The following SHLD2 variants were observed in gnomAD, a reference collection of about 807,000 sequenced individuals.
The protein encoded by SHLD2 is RINN1-REV7-interacting novel NHEJ regulator 2.
Under a neutral mutation model 73.2 loss-of-function variants are expected in SHLD2, and 30 were observed. That is an observed-to-expected ratio of 0.41 (90% CI 0.31 to 0.56). The LOEUF is 0.56. SHLD2 is among the 20% of genes least tolerant of loss of function. The pLI is 0.28. For missense variants in SHLD2, 745 were observed against 1,055.9 expected (o/e 0.71, Z 4.08); for synonymous variants, 285 against 370.1 (o/e 0.77, Z 2.64).
intron 2 of SHLD2, among the ~76,000 whole-genome samples, chr10:87,098,571 A>G (rs1236094821): frequency 6.6e-6 from 1 of 151,750 alleles, no homozygotes; most frequent in African/African-American, 2.4e-5. Context: ...ATTGTTGATG[A>G]TCACCAAGCT....
At chr10:87,128,947 G>C (rs1039999247) in intron 2 of SHLD2, among the ~76,000 whole-genome samples, 6 of 152,104 alleles carry the variant, frequency 3.9e-5, no homozygotes, top group African/African-American at 1.4e-4. Flanking sequence ...CTCTCGCCCA[G>C]GCTGGAGTGC....
At chr10:87,124,585 G>A (rs1589481556) in intron 2 of SHLD2, among the ~76,000 whole-genome samples, 1 of 152,250 alleles carries the variant, frequency 6.6e-6, no homozygotes, top group Middle Eastern at 3.4e-3. Context: ...ATTGTTTTGG[G>A]TGGTTTAGAG....
intron 2 of SHLD2, among the ~76,000 whole-genome samples, chr10:87,120,258 A>ATTTATTTATTTT (rs1554828299): frequency 1.3e-5 from 2 of 148,694 alleles, no homozygotes; most frequent in African/African-American, 5.1e-5. Flanking sequence ...TTATTTATTT[A>ATTTATTTATTTT]TTTTTTTGAG....
Position 87,151,808 on chromosome 10 carries a change from C to T in SHLD2, c.454C>T (p.Pro152Ser), listed in dbSNP as rs1219543954. Residue 152 changes from proline to serine, a missense_variant, in exon 3 of 10, where the codon CCT (proline) becomes TCT (serine). Pro to Ser is a moderately conservative substitution (Grantham distance 74, BLOSUM62 -1). Transcript: ENST00000298786. The part of the protein sequence containing the change: ...LSENKIRDEQ[P>S]KHQPDICGKN... ...TGAAAATAAAATTAGAGATGAACAG[C>T]CTAAACATCAGCCAGATATATGTGG... The T allele has an allele frequency of 6.2e-7, 1 of 1,611,834 alleles. No homozygotes were observed. Among genetic ancestry groups the T allele is most frequent in the Admixed American group, 1.7e-5 (1 of 60,002 alleles).
At chr10:87,132,601 C>T (rs1405269766) in intron 2 of SHLD2, among the ~76,000 whole-genome samples, 1 of 151,938 alleles carries the variant, frequency 6.6e-6, no homozygotes, top group Non-Finnish European at 1.5e-5. Context: ...ATGGTGAAAC[C>T]CCATCTCTAC....
intron 2 of SHLD2, among the ~76,000 whole-genome samples, chr10:87,100,139 G>A (rs1015190300): frequency 5.3e-5 from 8 of 152,004 alleles, no homozygotes; most frequent in Middle Eastern, 3.4e-3. Flanking sequence ...GTTTTCTTTC[G>A]ATACTTATGC....
At position 87,152,344 on chromosome 10, in the gene SHLD2, T is replaced by C; in HGVS notation, c.990T>C (p.Asp330=). 2.1e-6 allele frequency: 3 copies of C among 1,437,306 alleles called. No individual in the cohort carries two copies. The highest frequency in any genetic ancestry group is 2.9e-6 in the Non-Finnish European group (3 of 1,051,996). 89.0% of individuals were successfully genotyped at this position (1,437,306 alleles called of 1,614,324 possible). A position where few individuals can be genotyped will look rare whatever the true frequency, so the allele number is the denominator to read the frequency against. The change falls in exon 3 of 10, where the codon GAT becomes GAC. Residue 330 remains aspartate (D), a synonymous_variant. Transcript: ENST00000298786. ...ATAGCCGCATTCACATAAACTCTGATAAAGGTCTTGAAGAACATACAGGAT... is the reference window on the plus strand; with the variant it reads ...ATAGCCGCATTCACATAAACTCTGACAAAGGTCTTGAAGAACATACAGGAT... ...TENSRIHINS[D]KGLEEHTGSQ... is the part of the protein sequence containing the mutation.
chr10:87,184,304 A>T (rs985391332), intron 8 of SHLD2, among the ~76,000 whole-genome samples: 10 of 151,948 alleles, frequency 6.6e-5, no homozygotes, highest in Admixed American at 1.3e-4. Context: ...ATCTTAGTCC[A>T]GTGTATCTCA....
intron 2 of SHLD2, among the ~76,000 whole-genome samples, chr10:87,129,277 G>T (rs1844260109): frequency 6.6e-6 from 1 of 152,116 alleles, no homozygotes; most frequent in South Asian, 2.1e-4. Flanking sequence ...TTTTAGTAGG[G>T]ACGGGGTTTC....
chr10:87,183,996 C>T (rs1260376107), intron 8 of SHLD2, among the ~76,000 whole-genome samples: 2 of 152,202 alleles, frequency 1.3e-5, no homozygotes, highest in Non-Finnish European at 1.5e-5. Context: ...TGATTTTCTC[C>T]TCCAGGCTCC....
At chr10:87,129,599 A>G (rs1844281379) in intron 2 of SHLD2, among the ~76,000 whole-genome samples, 1 of 151,912 alleles carries the variant, frequency 6.6e-6, no homozygotes, top group South Asian at 2.1e-4. Flanking sequence ...AATTTTCCTA[A>G]GTTTAATTTC....
At chr10:87,133,188 A>C (rs1844554973) in intron 2 of SHLD2, among the ~76,000 whole-genome samples, 2 of 152,096 alleles carry the variant, frequency 1.3e-5, no homozygotes. Flanking sequence ...ATAATTTTTA[A>C]TTAATTTTAA....
intron 2 of SHLD2, among the ~76,000 whole-genome samples, chr10:87,113,676 A>G (rs189803009): frequency 1.3e-5 from 2 of 152,332 alleles, no homozygotes; most frequent in African/African-American, 2.4e-5. Context: ...ACTGAATTGT[A>G]TACTTTGAAA....
intron 2 of SHLD2, among the ~76,000 whole-genome samples, chr10:87,104,039 G>GC (rs1295809120): frequency 6.6e-6 from 1 of 151,846 alleles, no homozygotes; most frequent in East Asian, 1.9e-4. Flanking sequence ...TTCAAGACCA[G>GC]CCTGGCCAAC....
rs534087022 is a variant in SHLD2 at position 87,114,297 on chromosome 10, T to TA, written c.-6+17308_-6+17309insA. On this transcript the variant is annotated intron_variant, in intron 2 of 9. Transcript: ENST00000298786. ...GTGAGTGATGTGTTTCAATTTATAT[T>TA]TATATTATATTTACACTTGATCTTA... The TA allele has an allele frequency of 1.9e-3, 287 of 152,292 alleles. 2 individuals are homozygous for TA. Among genetic ancestry groups the TA allele is most frequent in the African/African-American group, 6.5e-3 (271 of 41,542 alleles). The allele number at this position is 152,292 out of a possible 1,614,324, so 9.4% of individuals were successfully genotyped here.
In SHLD2 at chr10:87,158,049, T is replaced by C. The variant is rs148634820; in HGVS notation, c.1527T>C (p.Asp509=). 3 of 1,611,002 alleles carry C rather than the reference T, an allele frequency of 1.9e-6. No homozygotes were observed. The highest frequency in any genetic ancestry group is 2.5e-6 in the Non-Finnish European group (3 of 1,179,250). The stretch of plus-strand genomic sequence containing the variant: ...TCAGAACGTTTTTTCTCTCTCTAGA[T>C]GTTGTTATTCATGAGGACCAATGGA... ...VFLGDIILLT[D]VVIHEDQWIG... Residue 509 remains aspartate, a splice_region_variant and synonymous_variant, in exon 4 of 10, where the codon GAT becomes GAC. Transcript: ENST00000298786.
rs1032203500 is a variant in SHLD2 at position 87,190,689 on chromosome 10, G to A, written c.*6G>A. 8 of 1,611,038 alleles carry A rather than the reference G, an allele frequency of 5.0e-6. No homozygotes were observed. The African/African-American group carries it at 1.1e-4, about 22-fold the overall frequency. ...GAGCCAATGCCCGTCTCTGAGGCCA[G>A]AGGAAGAAATTGCAGGCATTTCAAG... is the stretch of plus-strand genomic sequence containing the variant. On this transcript the variant is annotated 3_prime_UTR_variant, in exon 10 of 10. Transcript: ENST00000298786.
chr10:87,152,130 A>G lies in SHLD2; in HGVS notation c.776A>G (p.Asp259Gly). 6.2e-7 allele frequency: 1 copy of G among 1,611,924 alleles called. No individual in the cohort carries two copies. Among genetic ancestry groups the G allele is most frequent in the Non-Finnish European group, 8.5e-7 (1 of 1,179,820 alleles). ...SQVAFLAQKKDKRRSPVNKGN... is the reference protein window; with the variant it reads ...SQVAFLAQKKGKRRSPVNKGN... The stretch of plus-strand genomic sequence containing the variant: ...GTTGCTTTTTTAGCTCAAAAGAAAG[A>G]TAAAAGGCGGAGTCCTGTAAATAAA... Residue 259 changes from aspartate (D) to glycine (G), a missense_variant, in exon 3 of 10, where the codon GAT becomes GGT. By Grantham distance (94) the Asp-to-Gly change is moderately conservative. Transcript: ENST00000298786.
At chr10:87,139,943 GATC>G (rs911778136) in intron 2 of SHLD2, among the ~76,000 whole-genome samples, 1 of 152,192 alleles carries the variant, frequency 6.6e-6, no homozygotes, top group Non-Finnish European at 1.5e-5. Context: ...TGGAAAAAAA[GATC>G]ATTAAATGTG....
Sources: allele counts gnomAD v4.1 joint callset (sites outside exome capture counted in the v4.1 genomes callset), GRCh38; gene constraint gnomAD v4.1.1; transcripts MANE v1.5; gene names NCBI Gene and HGNC (gene_info 2026-07-23, HGNC 2026-07-21).